The following ATP6V1H variants were observed in gnomAD, a reference collection of about 807,000 sequenced individuals.
ATP6V1H encodes the protein ATPase H+ transporting V1 subunit H.
A neutral mutation model predicts 71.7 loss-of-function variants in ATP6V1H; 39 were observed. The observed-to-expected ratio is 0.54, with a 90% CI of 0.42 to 0.71. The LOEUF is 0.71. Ranked by LOEUF, ATP6V1H falls within the 30% of genes least tolerant of loss-of-function variation. ATP6V1H has a pLI of 0.00. For synonymous variants in ATP6V1H, 192 were observed against 199.3 expected, an observed-to-expected ratio of 0.96 and a Z score of 0.31; for missense variants, 509 against 594.9, an observed-to-expected ratio of 0.86 and a Z score of 1.50.
intron 13 of ATP6V1H, among the ~76,000 whole-genome samples, chr8:53,732,154 C>T (rs1807047382): frequency 6.6e-6 from 1 of 152,172 alleles, no homozygotes; most frequent in African/African-American, 2.4e-5. Context: ...TTTATCGACA[C>T]TTGCTTTGGT....
intron 6 of ATP6V1H, among the ~76,000 whole-genome samples, 163 bp from the exon 7 acceptor site, chr8:53,811,380 C>A (rs1455567162): frequency 6.6e-6 from 1 of 152,088 alleles, no homozygotes; most frequent in Non-Finnish European, 1.5e-5. Flanking sequence ...AAGGGGATGA[C>A]ATAAAATGTT....
chr8:53,781,362 T>A (rs1396347356), intron 9 of ATP6V1H, among the ~76,000 whole-genome samples: 5 of 150,512 alleles, frequency 3.3e-5, no homozygotes, highest in African/African-American at 9.7e-5. Context: ...TCTGTTCATA[T>A]CCTTTGCCCA....
chr8:53,819,587 A>ATAT (rs1810571923), intron 4 of ATP6V1H, among the ~76,000 whole-genome samples: 1 of 113,002 alleles, frequency 8.8e-6, no homozygotes, highest in Non-Finnish European at 1.9e-5. Flanking sequence ...TATATATATA[A>ATAT]AATACACACA....
chr8:53,760,164 T>A (rs2130271314), intron 11 of ATP6V1H, among the ~76,000 whole-genome samples: 1 of 152,330 alleles, frequency 6.6e-6, no homozygotes, highest in African/African-American at 2.4e-5. Flanking sequence ...AAGCTGGTGA[T>A]CAGCAGCTTC....
At chr8:53,724,342 A>G (rs1806729601) in intron 13 of ATP6V1H, among the ~76,000 whole-genome samples, 1 of 152,082 alleles carries the variant, frequency 6.6e-6, no homozygotes, top group South Asian at 2.1e-4. Flanking sequence ...TAGATTTATA[A>G]CTCCTGGGGA....
At chr8:53,771,596 G>T (rs1219202059) in intron 10 of ATP6V1H, among the ~76,000 whole-genome samples, 2 of 152,100 alleles carry the variant, frequency 1.3e-5, no homozygotes, top group Non-Finnish European at 2.9e-5. Flanking sequence ...ATTAAAACAT[G>T]AGCCAAAAGG....
intron 4 of ATP6V1H, among the ~76,000 whole-genome samples, chr8:53,819,547 CATATATATATATATATATATATATAT>C (rs34645455): frequency 1.1e-4 from 4 of 35,136 alleles, no homozygotes; most frequent in Non-Finnish European, 1.4e-4. Context: ...AAAAAAAAAG[CATATATATATATATATATATATATAT>C]ATATATATAT....
intron 11 of ATP6V1H, among the ~76,000 whole-genome samples, chr8:53,759,190 T>C (rs946782601): frequency 3.9e-5 from 6 of 152,252 alleles, no homozygotes; most frequent in Non-Finnish European, 8.8e-5. Context: ...ACAGGCTTTC[T>C]AGTCAAATCT....
chr8:53,756,053 C>T (rs576678501), intron 12 of ATP6V1H, among the ~76,000 whole-genome samples: 186 of 138,210 alleles, frequency 1.3e-3, no homozygotes, highest in Non-Finnish European at 2.5e-3. Context: ...TATTTTTATA[C>T]TATTCTTTTT....
At chr8:53,836,306 T>C (rs1163766713) in intron 2 of ATP6V1H, among the ~76,000 whole-genome samples, 1 of 152,344 alleles carries the variant, frequency 6.6e-6, no homozygotes, top group Non-Finnish European at 1.5e-5. Context: ...TTTTCTACCA[T>C]GAAGAAGGTA....
intron 12 of ATP6V1H, among the ~76,000 whole-genome samples, chr8:53,751,228 C>T (rs1442812726): frequency 6.6e-6 from 1 of 152,186 alleles, no homozygotes; most frequent in African/African-American, 2.4e-5. Context: ...GGTAGACTTC[C>T]ATGACAAGTC....
At chr8:53,773,346 G>A (rs570991686) in intron 9 of ATP6V1H, among the ~76,000 whole-genome samples, 7 of 152,218 alleles carry the variant, frequency 4.6e-5, no homozygotes, top group East Asian at 1.9e-4. Flanking sequence ...ACTCAGGTAC[G>A]ATGGATTTAA....
At chr8:53,718,840 C>T (rs547598672) in intron 13 of ATP6V1H, among the ~76,000 whole-genome samples, 2 of 152,134 alleles carry the variant, frequency 1.3e-5, no homozygotes, top group Non-Finnish European at 2.9e-5. Flanking sequence ...AGAACAAGGA[C>T]TCATATAGAT....
intron 12 of ATP6V1H, among the ~76,000 whole-genome samples, chr8:53,755,545 A>T (rs1455714917): frequency 6.7e-6 from 1 of 149,760 alleles, no homozygotes; most frequent in East Asian, 2.0e-4. Flanking sequence ...TAAGGGCCAG[A>T]TAAGTAAATA....
At chr8:53,810,539 A>G (rs1324044341) in intron 7 of ATP6V1H, among the ~76,000 whole-genome samples, 1 of 152,202 alleles carries the variant, frequency 6.6e-6, no homozygotes, top group East Asian at 1.9e-4. Flanking sequence ...CAAGAGATCG[A>G]CACCATTCTG....
At chr8:53,775,284 G>A (rs1009623180) in intron 9 of ATP6V1H, among the ~76,000 whole-genome samples, 5 of 152,198 alleles carry the variant, frequency 3.3e-5, no homozygotes, top group South Asian at 2.1e-4. Flanking sequence ...AAACCAGTGT[G>A]GACCCAAAGA....
intron 4 of ATP6V1H, among the ~76,000 whole-genome samples, chr8:53,824,826 T>C (rs1393124309): frequency 6.6e-6 from 1 of 151,852 alleles, no homozygotes; most frequent in Non-Finnish European, 1.5e-5. Flanking sequence ...AATAGAAAAT[T>C]ATAAAATTTT....
rs749410183 is a variant in ATP6V1H, at chr8:53,729,051, G to A, written c.1392-13027C>T. ...CAATTAGTCTTGTTGTTCCAGTTCC[G>A]CTCTTGGCTGATGACCGACAGCTGG... On this transcript the variant is annotated intron_variant, in intron 13 of 13. Transcript: ENST00000359530. Among the ~76,000 whole-genome samples, 32 of 152,186 alleles carry A rather than the reference G, an allele frequency of 2.1e-4. 1 individual carries two copies. The highest frequency in any genetic ancestry group is 3.4e-3 in the Middle Eastern group (1 of 294).
At chr8:53,736,767 G>T (rs186490526) in intron 13 of ATP6V1H, among the ~76,000 whole-genome samples, 1 of 152,158 alleles carries the variant, frequency 6.6e-6, no homozygotes, top group African/African-American at 2.4e-5. Flanking sequence ...ATTCTCACAG[G>T]GGGGAATAAG....
Sources: allele counts gnomAD v4.1 joint callset (sites outside exome capture counted in the v4.1 genomes callset), GRCh38; gene constraint gnomAD v4.1.1; transcripts MANE v1.5; gene names NCBI Gene and HGNC (gene_info 2026-07-23, HGNC 2026-07-21).